ENTREP2: variants seen among roughly 807,000 people sequenced by gnomAD.
The protein encoded by ENTREP2 is protein ENTREP2.
the ENTREP2 span, among the ~76,000 whole-genome samples, chr15:29,366,873 A>T: frequency 6.6e-6 from 1 of 152,208 alleles, no homozygotes. Context: ...CCCTTGAACA[A>T]CAAGTGATTC....
the ENTREP2 span, among the ~76,000 whole-genome samples, chr15:29,589,497 C>T: frequency 2.0e-5 from 3 of 152,108 alleles, no homozygotes; most frequent in Non-Finnish European, 2.9e-5. Flanking sequence ...TCTGCCTCTG[C>T]GTGTCTTCAT....
At chr15:29,462,380 G>A in the ENTREP2 span, among the ~76,000 whole-genome samples, 5 of 152,094 alleles carry the variant, frequency 3.3e-5, no homozygotes, top group Admixed American at 1.3e-4. Context: ...AGGCTGAGGC[G>A]GGCAGATCAC....
chr15:29,381,873 A>G, the ENTREP2 span: 1 of 1,533,690 alleles, frequency 6.5e-7, no homozygotes, highest in East Asian at 2.5e-5. Flanking sequence ...TGCTTCCGAA[A>G]CCTTGCATGG....
the ENTREP2 span, among the ~76,000 whole-genome samples, chr15:29,292,301 T>C: frequency 6.6e-6 from 1 of 152,140 alleles, no homozygotes; most frequent in Non-Finnish European, 1.5e-5. Flanking sequence ...TTTCCTTCTT[T>C]TTCTCTTTCT....
At chr15:29,530,771 G>A in the ENTREP2 span, among the ~76,000 whole-genome samples, 7 of 152,172 alleles carry the variant, frequency 4.6e-5, no homozygotes, top group South Asian at 2.1e-4. Context: ...TTTTGGAATC[G>A]TAAGTGAGAA....
At chr15:29,286,887 C>T in the ENTREP2 span, among the ~76,000 whole-genome samples, 2 of 152,204 alleles carry the variant, frequency 1.3e-5, no homozygotes, top group Non-Finnish European at 2.9e-5. Context: ...CCAGGAACTC[C>T]CTGGCACAAT....
At chr15:29,245,988 G>C in the ENTREP2 span, among the ~76,000 whole-genome samples, 1 of 152,060 alleles carries the variant, frequency 6.6e-6, no homozygotes, top group Non-Finnish European at 1.5e-5. Context: ...TTTTTCTCTA[G>C]ATCTGTTTGC....
the ENTREP2 span, chr15:29,126,333 G>A: frequency 2.0e-6 from 3 of 1,528,326 alleles, no homozygotes; most frequent in Non-Finnish European, 2.6e-6. Flanking sequence ...GGACCTGGCT[G>A]CACCTGTGAG....
chr15:29,399,628 C>T, the ENTREP2 span, among the ~76,000 whole-genome samples: 2 of 152,134 alleles, frequency 1.3e-5, no homozygotes, highest in African/African-American at 4.8e-5. Flanking sequence ...CACCAACCTC[C>T]TGTGCAGTCA....
the ENTREP2 span, among the ~76,000 whole-genome samples, chr15:29,135,947 C>T: frequency 6.6e-6 from 1 of 151,930 alleles, no homozygotes; most frequent in Non-Finnish European, 1.5e-5. This position sits in a 1 kb window ranked among gnomAD's most constrained non-coding sequence, Gnocchi z 7.4. Context: ...TGGGGGCTCT[C>T]CCCTTGGGTC....
At chr15:29,135,442 G>A in the ENTREP2 span, among the ~76,000 whole-genome samples, 1 of 152,016 alleles carries the variant, frequency 6.6e-6, no homozygotes, top group Admixed American at 6.6e-5. This position sits in a 1 kb window ranked among gnomAD's most constrained non-coding sequence, Gnocchi z 7.4. Context: ...AAGATCCCTT[G>A]CACTATGGGC....
chr15:29,350,343 T>C, the ENTREP2 span, among the ~76,000 whole-genome samples: 6 of 152,208 alleles, frequency 3.9e-5, no homozygotes, highest in African/African-American at 1.4e-4. Context: ...ATTATTTTCC[T>C]TTCATATTTC....
At chr15:29,393,556 A>G in the ENTREP2 span, among the ~76,000 whole-genome samples, 1 of 152,236 alleles carries the variant, frequency 6.6e-6, no homozygotes, top group Middle Eastern at 3.4e-3. Context: ...AGGGCAGTGG[A>G]CCTTGATGAT....
the ENTREP2 span, among the ~76,000 whole-genome samples, chr15:29,406,800 C>A: frequency 6.6e-6 from 1 of 152,110 alleles, no homozygotes; most frequent in African/African-American, 2.4e-5. Flanking sequence ...ACACAGCAGA[C>A]ACAGCCAAAT....
chr15:29,386,669 G>C, the ENTREP2 span, among the ~76,000 whole-genome samples: 5 of 152,150 alleles, frequency 3.3e-5, no homozygotes, highest in African/African-American at 7.2e-5. Context: ...GGGGCCTCTG[G>C]GAGGTGATTA....
the ENTREP2 span, among the ~76,000 whole-genome samples, chr15:29,500,144 C>A: frequency 2.0e-5 from 3 of 152,046 alleles, no homozygotes; most frequent in East Asian, 5.8e-4. Context: ...GGGAATTCAA[C>A]AATAATAGTT....
At chr15:29,602,162 C>A in the ENTREP2 span, among the ~76,000 whole-genome samples, 1 of 152,196 alleles carries the variant, frequency 6.6e-6, no homozygotes, top group African/African-American at 2.4e-5. Flanking sequence ...TTCACAAGTC[C>A]AGTGTAAGCC....
the ENTREP2 span, chr15:29,122,091 G>C: frequency 6.6e-6 from 1 of 152,232 alleles, no homozygotes; most frequent in Non-Finnish European, 1.5e-5. Flanking sequence ...AGGCTGTTTT[G>C]TTCACCGCAG....
the ENTREP2 span, among the ~76,000 whole-genome samples, chr15:29,329,273 G>C: frequency 6.6e-6 from 1 of 151,694 alleles, no homozygotes; most frequent in Non-Finnish European, 1.5e-5. Flanking sequence ...TGAGGCAGGA[G>C]AATGGTGTGA....
Sources: gnomAD v4.1 joint callset for allele counts (sites outside exome capture counted in the v4.1 genomes callset) on GRCh38, gnomAD v4.1.1 for gene constraint, Gnocchi (gnomAD v3.1) non-coding constraint, MANE v1.5 for transcripts, NCBI Gene and HGNC (gene_info 2026-07-23, HGNC 2026-07-21) for gene names.